TRMT112: variants seen among roughly 807,000 people sequenced by gnomAD.
The protein encoded by TRMT112 is tRNA methyltransferase activator subunit 11-2.
TRMT112 carries 9 observed loss-of-function variants against 13.8 expected under a neutral mutation model. The observed-to-expected ratio is 0.65, with a 90% CI of 0.39 to 1.14. The LOEUF (loss-of-function observed/expected upper bound fraction) is 1.14. Among genes scored for constraint, TRMT112 ranks in the 50% most tolerant of loss-of-function variants. The probability of loss-of-function intolerance (pLI) is 0.01; values close to 1 mark genes in which losing one functional copy is unlikely to be tolerated. For missense variants in TRMT112, 196 were observed against 165.5 expected (o/e 1.18, Z -1.01); for synonymous variants, 64 against 67.0 (o/e 0.96, Z 0.22).
rs1424890121 is a variant in TRMT112, at chr11:64,316,867, C to A, written c.372G>T (p.Glu124Asp). The A allele has an allele frequency of 6.3e-7, 1 of 1,584,042 alleles. No homozygotes were observed. The highest frequency in any genetic ancestry group is 1.1e-5 in the South Asian group (1 of 90,442). The change falls in exon 4 of 4, where the codon GAG becomes GAT. Residue 124 changes from glutamate (E) to aspartate (D), a missense_variant. Physicochemically the swap from Glu to Asp is conservative, Grantham distance 45. Transcript: ENST00000544844. ...PNMLLSEEET[E>D]S ...AAACTGGCGCCTGGCACAATCAACT[C>A]TCAGTTTCCTCTTCACTCAGCAGCA...
chr11:64,317,399 C>T, intron 1 of TRMT112, 34 bp from the exon 2 acceptor site: 2 of 1,614,036 alleles, frequency 1.2e-6, no homozygotes, highest in East Asian at 4.5e-5. Context: ...AAGCACTGGA[C>T]CCCGGCCCAC....
At chr11:64,318,293 G>A (rs942159937), upstream of TRMT112, 2 of 1,612,372 alleles carry the variant, frequency 1.2e-6, no homozygotes, top group African/African-American at 1.3e-5. Context: ...GTCAGTCTGC[G>A]GCAGCGGCAG....
At chr11:64,317,925 T>G (rs1345033677), upstream of TRMT112, 1 of 1,368,228 alleles carries the variant, frequency 7.3e-7, no homozygotes, top group Non-Finnish European at 9.4e-7. Flanking sequence ...TACCGCCCTA[T>G]CTGTAAATTA....
At chr11:64,318,529 C>A, upstream of TRMT112, 1 of 1,076,478 alleles carries the variant, frequency 9.3e-7, no homozygotes. Flanking sequence ...AGAAGGCCCT[C>A]GTGGCTGCCC....
upstream of TRMT112, chr11:64,317,924 A>G (rs1454992275): frequency 5.1e-6 from 7 of 1,364,736 alleles, no homozygotes; most frequent in Non-Finnish European, 6.6e-6. Context: ...ATACCGCCCT[A>G]TCTGTAAATT....
At chr11:64,317,874 C>T (rs1472588157), upstream of TRMT112, 3 of 1,227,820 alleles carry the variant, frequency 2.4e-6, no homozygotes, top group Non-Finnish European at 2.1e-6. Flanking sequence ...GCGCCTAACA[C>T]CGTCGTCCTC....
At chr11:64,318,327 T>A (rs765980723), upstream of TRMT112, 4 of 1,612,184 alleles carry the variant, frequency 2.5e-6, no homozygotes, top group African/African-American at 1.3e-5. Context: ...TGAAGGAGAG[T>A]GGGCGTCTGG....
chr11:64,318,435 A>T (rs1334460298), upstream of TRMT112: 1 of 1,555,704 alleles, frequency 6.4e-7, no homozygotes, highest in Admixed American at 1.9e-5. Flanking sequence ...CCCCCATGGC[A>T]ATCCCCGTCC....
chr11:64,318,241 T>G (rs939149289), upstream of TRMT112: 2 of 1,611,940 alleles, frequency 1.2e-6, no homozygotes, highest in Non-Finnish European at 1.7e-6. Context: ...GTGTGCGCCC[T>G]GAGACGCTCA....
chr11:64,317,228 C>T, intron 2 of TRMT112, 36 bp downstream of exon 2: 16 of 1,607,558 alleles, frequency 1.0e-5, no homozygotes, highest in Non-Finnish European at 1.4e-5. Flanking sequence ...GCCCCGCATT[C>T]CCCGGGATAT....
chr11:64,317,304 G>C lies in TRMT112; in HGVS notation c.140C>G (p.Pro47Arg). 1.2e-6 allele frequency: 2 copies of C among 1,614,072 alleles called. No homozygotes were observed. Among genetic ancestry groups the C allele is most frequent in the Non-Finnish European group, 1.7e-6 (2 of 1,179,952 alleles). ...CAGGAACGCCGACCACTCCACTTTAGGTATCATACGCGCCACGAAGTTGGG... is the reference window on the plus strand; with the variant it reads ...CAGGAACGCCGACCACTCCACTTTACGTATCATACGCGCCACGAAGTTGGG... ...FNPNFVARMIPKVEWSAFLEA... is the reference protein window; with the variant it reads ...FNPNFVARMIRKVEWSAFLEA... The change falls in exon 2 of 4, where the codon CCT becomes CGT. Residue 47 changes from proline to arginine, a missense_variant. Pro to Arg is a moderately radical substitution (Grantham distance 103). Coordinates refer to ENST00000544844, the MANE Select transcript of TRMT112 (RefSeq NM_016404.3).
intron 2 of TRMT112, 55 bp downstream of exon 2, chr11:64,317,209 G>C: frequency 1.9e-6 from 3 of 1,610,090 alleles, no homozygotes; most frequent in Non-Finnish European, 2.5e-6. Context: ...GCCCGGCTGA[G>C]GTGTGCCCGC....
chr11:64,317,380 A>T lies in TRMT112; in HGVS notation c.79-15T>A. On this transcript the variant is annotated splice_polypyrimidine_tract_variant and intron_variant, in intron 1 of 3. Transcript: ENST00000544844. Reference sequence around the variant, plus strand: ...ACCTCGGTGGCCTGCAGGGCGGAGGAGTTTAGGCAAGCACTGGACCCCGGC... The same window carrying T: ...ACCTCGGTGGCCTGCAGGGCGGAGGTGTTTAGGCAAGCACTGGACCCCGGC... 2 of 1,613,966 alleles carry T rather than the reference A, an allele frequency of 1.2e-6. No individual in the cohort carries two copies. The highest frequency in any genetic ancestry group is 4.5e-5 in the East Asian group (2 of 44,878).
Position 64,317,120 on chromosome 11 carries a change from G to A in TRMT112, c.208C>T (p.Pro70Ser), listed in dbSNP as rs1461618801. Residue 70 changes from proline to serine, a missense_variant, in exon 3 of 4, where the codon CCG (proline) becomes TCG (serine). Coordinates refer to ENST00000544844, the MANE Select transcript of TRMT112 (RefSeq NM_016404.3). The part of the protein sequence containing the change: ...NLRLIQVPKG[P>S]VEGYEENEEF... Reference sequence around the variant, plus strand: ...TCATTCTCCTCATATCCCTCAACCGGCCCTTTCGGCACCTGGATCAGACGC... The same window carrying A: ...TCATTCTCCTCATATCCCTCAACCGACCCTTTCGGCACCTGGATCAGACGC... 1.9e-6 allele frequency: 3 copies of A among 1,614,104 alleles called. No individual in the cohort carries two copies. Among genetic ancestry groups the A allele is most frequent in the South Asian group, 2.2e-5 (2 of 91,084 alleles).
chr11:64,317,985 T>C, upstream of TRMT112: 1 of 1,407,384 alleles, frequency 7.1e-7, no homozygotes, highest in Non-Finnish European at 9.2e-7. Context: ...AATTAGCTGC[T>C]CCAGTGCCGA....
chr11:64,317,459 A>AG lies in TRMT112; in HGVS notation c.67dup (p.Leu23ProfsTer26). On this transcript the variant is annotated frameshift_variant, in exon 1 of 4. Transcript: ENST00000544844. LOFTEE classifies it high-confidence loss of function. ...GCCGCCGGCGGGTACCTGGAGGCGC[A>AG]GGGGGAAGCCACGGGACCCCACCCC... The AG allele has an allele frequency of 6.2e-7, 1 of 1,610,614 alleles. No individual in the cohort carries two copies. Among genetic ancestry groups the AG allele is most frequent in the African/African-American group, 1.3e-5 (1 of 75,008 alleles).
At position 64,317,302 on chromosome 11, in the gene TRMT112, T is replaced by C; in HGVS notation, c.142A>G (p.Lys48Glu). 1 of 1,613,930 alleles carries C rather than the reference T, an allele frequency of 6.2e-7. No individual in the cohort carries two copies. The highest frequency in any genetic ancestry group is 1.3e-5 in the African/African-American group (1 of 74,982). ...TCCAGGAACGCCGACCACTCCACTT[T>C]AGGTATCATACGCGCCACGAAGTTG... ...NPNFVARMIPKVEWSAFLEAA... is the reference protein window; with the variant it reads ...NPNFVARMIPEVEWSAFLEAA... The change falls in exon 2 of 4, where the codon AAA becomes GAA. Residue 48 changes from lysine to glutamate, a missense_variant. Physicochemically the swap from Lys to Glu is moderately conservative, Grantham distance 56. Coordinates refer to ENST00000544844, the MANE Select transcript of TRMT112 (RefSeq NM_016404.3).
upstream of TRMT112, chr11:64,317,967 T>A (rs2035351855): frequency 7.2e-7 from 1 of 1,398,526 alleles, no homozygotes; most frequent in African/African-American, 1.5e-5. Flanking sequence ...ACCTCATTCC[T>A]ATATGCAAAT....
At position 64,317,253 on chromosome 11, in the gene TRMT112, A is replaced by G. The variant is rs1328382847; in HGVS notation, c.180+11T>C. On this transcript the variant is annotated intron_variant, in intron 2 of 3. Coordinates refer to ENST00000544844, the MANE Select transcript of TRMT112 (RefSeq NM_016404.3). ...CCCCGGGATATGCTGGGGCGGGGTA[A>G]GGATCCTCACGTTATCGGCCGCCTC... is the stretch of plus-strand genomic sequence containing the variant. The G allele has an allele frequency of 6.2e-7, 1 of 1,609,760 alleles. No homozygotes were observed. Among genetic ancestry groups the G allele is most frequent in the Non-Finnish European group, 8.5e-7 (1 of 1,176,478 alleles).
Sources: allele counts gnomAD v4.1 joint callset, GRCh38; gene constraint gnomAD v4.1.1; transcripts MANE v1.5; gene names NCBI Gene and HGNC (gene_info 2026-07-23, HGNC 2026-07-21).